Variants in CDH13 observed in about 807,000 individuals in gnomAD.
CDH13 encodes the protein cadherin-13.
A neutral mutation model predicts 63.8 loss-of-function variants in CDH13; 24 were observed. That is an observed-to-expected ratio of 0.38 (90% CI 0.27 to 0.53). CDH13 has a LOEUF of 0.53. Among genes scored for constraint, CDH13 ranks in the 20% least tolerant of loss-of-function variants. CDH13 has a pLI of 0.85. For synonymous variants in CDH13, 503 were observed against 355.3 expected (o/e 1.42, Z -4.67); for missense variants, 1,049 against 903.1 (o/e 1.16, Z -2.07).
intron 1 of CDH13, among the ~76,000 whole-genome samples, chr16:82,667,462 C>T (rs1912728835): frequency 6.6e-6 from 1 of 152,224 alleles, no homozygotes; most frequent in African/African-American, 2.4e-5. Flanking sequence ...TCATTCCCAT[C>T]TGCTATTGGC....
intron 12 of CDH13, among the ~76,000 whole-genome samples, chr16:83,782,719 G>C (rs555601014): frequency 1.2e-4 from 18 of 145,132 alleles, no homozygotes; most frequent in Non-Finnish European, 7.5e-5. Flanking sequence ...CTGGGCAACA[G>C]AGTGAGACCC....
chr16:82,886,326 A>G (rs1207464598), intron 2 of CDH13, among the ~76,000 whole-genome samples: 5 of 152,192 alleles, frequency 3.3e-5, no homozygotes, highest in Admixed American at 1.3e-4. Flanking sequence ...TCATATTGCC[A>G]CAGTGCCTGG....
At chr16:83,327,144 T>C (rs2090382595) in intron 5 of CDH13, among the ~76,000 whole-genome samples, 1 of 152,252 alleles carries the variant, frequency 6.6e-6, no homozygotes, top group South Asian at 2.1e-4. Flanking sequence ...AGAATTTGTA[T>C]TAAGTTCTAC....
intron 1 of CDH13, among the ~76,000 whole-genome samples, chr16:82,683,416 A>T (rs960717238): frequency 2.0e-5 from 3 of 152,214 alleles, no homozygotes; most frequent in African/African-American, 7.2e-5. Context: ...CCATGCCATG[A>T]ATCTTCCATA....
chr16:83,226,541 T>C (rs1358762995), intron 5 of CDH13, among the ~76,000 whole-genome samples: 3 of 152,204 alleles, frequency 2.0e-5, no homozygotes, highest in Admixed American at 2.0e-4. Context: ...ATCCATGGAA[T>C]GAATAAATGA....
chr16:83,337,540 C>A (rs1479078564), intron 5 of CDH13, among the ~76,000 whole-genome samples: 4 of 144,608 alleles, frequency 2.8e-5, no homozygotes, highest in Non-Finnish European at 6.0e-5. Flanking sequence ...TTGCTTTAAA[C>A]AAATTAGAGG....
At chr16:83,569,892 A>G (rs1904413495) in intron 7 of CDH13, among the ~76,000 whole-genome samples, 1 of 152,134 alleles carries the variant, frequency 6.6e-6, no homozygotes, top group African/African-American at 2.4e-5. Flanking sequence ...GCACGCCACC[A>G]TGCCAGGCTA....
At chr16:83,376,519 A>G (rs765081072) in intron 6 of CDH13, among the ~76,000 whole-genome samples, 8 of 152,228 alleles carry the variant, frequency 5.3e-5, no homozygotes, top group Non-Finnish European at 1.2e-4. Flanking sequence ...AGTTTTGAGT[A>G]AAAACGACAT....
intron 2 of CDH13, among the ~76,000 whole-genome samples, chr16:83,007,913 G>T (rs1913711625): frequency 6.6e-6 from 1 of 151,128 alleles, no homozygotes; most frequent in Non-Finnish European, 1.5e-5. Flanking sequence ...AGCTATACTT[G>T]GCCAAACAAC....
At chr16:82,955,097 G>A (rs1905870981) in intron 2 of CDH13, among the ~76,000 whole-genome samples, 1 of 152,136 alleles carries the variant, frequency 6.6e-6, no homozygotes, top group Non-Finnish European at 1.5e-5. Context: ...GTGAAAATAT[G>A]CCTATAATCT....
intron 2 of CDH13, among the ~76,000 whole-genome samples, chr16:82,991,477 C>T (rs1328274159): frequency 6.6e-6 from 1 of 152,158 alleles, no homozygotes; most frequent in Non-Finnish European, 1.5e-5. Context: ...CCATGAACTG[C>T]AAGGCCCTTG....
At chr16:82,842,088 CTACATATATATATATATATATATG>C (rs1350950619) in intron 1 of CDH13, among the ~76,000 whole-genome samples, 1 of 68,504 alleles carries the variant, frequency 1.5e-5, no homozygotes, top group African/African-American at 4.9e-5. Context: ...GTCTTGCATT[CTACATATATATATATATATATATG>C]TATATATATA....
At chr16:83,271,340 C>G (rs1320483430) in intron 5 of CDH13, among the ~76,000 whole-genome samples, 2 of 141,378 alleles carry the variant, frequency 1.4e-5, no homozygotes, top group Non-Finnish European at 3.0e-5. Flanking sequence ...CTGGACTTCT[C>G]CTTATCCTGG....
chr16:83,508,439 A>T (rs1486848011), intron 7 of CDH13: 2 of 153,592 alleles, frequency 1.3e-5, no homozygotes, highest in Non-Finnish European at 2.9e-5. Flanking sequence ...GATCCCCAGG[A>T]ACCCACCACT....
chr16:83,548,116 C>A (rs2075422422), intron 7 of CDH13, among the ~76,000 whole-genome samples: 1 of 151,972 alleles, frequency 6.6e-6, no homozygotes, highest in Admixed American at 6.6e-5. Context: ...GGGAAGCTAG[C>A]CAAGAGCAGG....
chr16:82,818,242 T>A (rs939746557), intron 1 of CDH13, among the ~76,000 whole-genome samples: 2 of 152,112 alleles, frequency 1.3e-5, no homozygotes, highest in Admixed American at 1.3e-4. Context: ...GTTACGTAGA[T>A]GAGGAATTTG....
intron 5 of CDH13, among the ~76,000 whole-genome samples, chr16:83,325,027 C>T (rs1266804633): frequency 3.9e-5 from 6 of 152,128 alleles, no homozygotes. Context: ...TTTGCTAAGG[C>T]TGTCTCCCTC....
intron 5 of CDH13, among the ~76,000 whole-genome samples, chr16:83,260,409 G>C (rs1415597101): frequency 6.6e-6 from 1 of 152,180 alleles, no homozygotes; most frequent in African/African-American, 2.4e-5. Context: ...TTTTTTATTA[G>C]TATCTATTTC....
chr16:83,301,323 A>G (rs1359736306), intron 5 of CDH13, among the ~76,000 whole-genome samples: 2 of 151,954 alleles, frequency 1.3e-5, no homozygotes, highest in Non-Finnish European at 2.9e-5. Context: ...GAGCCACCGC[A>G]CCTGGTCAGG....
Sources: gnomAD v4.1 joint callset for allele counts (sites outside exome capture counted in the v4.1 genomes callset) on GRCh38, gnomAD v4.1.1 for gene constraint, MANE v1.5 for transcripts, NCBI Gene and HGNC (gene_info 2026-07-23, HGNC 2026-07-21) for gene names.